PCCB: variants seen among roughly 807,000 people sequenced by gnomAD.
The protein encoded by PCCB is propionyl-CoA carboxylase beta chain, mitochondrial.
A neutral mutation model predicts 60.7 loss-of-function variants in PCCB; 43 were observed. The ratio of observed to expected loss-of-function variants is 0.71; its 90% CI spans 0.55 to 0.91. The LOEUF is 0.91. PCCB is among the 40% of genes least tolerant of loss of function. The pLI is 0.00. For synonymous variants in PCCB, 276 were observed against 255.9 expected (o/e 1.08, Z -0.75); for missense variants, 766 against 702.8 (o/e 1.09, Z -1.02).
intron 9 of PCCB, among the ~76,000 whole-genome samples, chr3:136,310,462 C>T (rs187364026): frequency 6.6e-6 from 1 of 152,238 alleles, no homozygotes; most frequent in Admixed American, 6.5e-5. Context: ...GTTGAGGGAG[C>T]AGTTAACCAT....
intron 14 of PCCB, 127 bp downstream of exon 14, chr3:136,328,984 G>A (rs1397798470): frequency 1.3e-6 from 1 of 769,232 alleles, no homozygotes; most frequent in African/African-American, 1.7e-5. Context: ...GTGAGGGTTG[G>A]GACTGTCCCT....
At chr3:136,268,105 T>C (rs867707137) in intron 5 of PCCB, among the ~76,000 whole-genome samples, 75 of 128,180 alleles carry the variant, frequency 5.9e-4, no homozygotes, top group South Asian at 5.1e-3. Flanking sequence ...TATATATATA[T>C]ATATATATAT....
chr3:136,285,441 C>G (rs1933356599), intron 6 of PCCB, among the ~76,000 whole-genome samples: 1 of 152,124 alleles, frequency 6.6e-6, no homozygotes, highest in African/African-American at 2.4e-5. Flanking sequence ...ATCATCAAAA[C>G]AAAAACTGTC....
At chr3:136,255,267 C>T (rs1000316849) in intron 1 of PCCB, 4 of 162,526 alleles carry the variant, frequency 2.5e-5, no homozygotes, top group African/African-American at 7.2e-5. Context: ...GTGGGGTCAT[C>T]TCTGTGTCAC....
chr3:136,289,709 G>A (rs962154446), intron 6 of PCCB, among the ~76,000 whole-genome samples: 1 of 147,618 alleles, frequency 6.8e-6, no homozygotes, highest in African/African-American at 2.5e-5. Context: ...TCTTATTTTT[G>A]TCTTCCACTT....
At chr3:136,267,053 C>G (rs945462666) in intron 5 of PCCB, among the ~76,000 whole-genome samples, 1 of 151,784 alleles carries the variant, frequency 6.6e-6, no homozygotes, top group Non-Finnish European at 1.5e-5. Context: ...CAGCTAATTT[C>G]TTTGTATTTT....
intron 10 of PCCB, among the ~76,000 whole-genome samples, chr3:136,325,904 C>A (rs1935289355): frequency 6.6e-6 from 1 of 152,050 alleles, no homozygotes; most frequent in Admixed American, 6.6e-5. Context: ...AGCTCCGCCT[C>A]CCGGGTTCAC....
chr3:136,302,095 C>G (rs774735911), intron 9 of PCCB, among the ~76,000 whole-genome samples: 15 of 152,196 alleles, frequency 9.9e-5, no homozygotes, highest in Non-Finnish European at 1.5e-4. Flanking sequence ...CTTTGCACCT[C>G]TGTGATCAGA....
At chr3:136,268,108 A>ATGTG (rs1560002540) in intron 5 of PCCB, among the ~76,000 whole-genome samples, 1 of 125,534 alleles carries the variant, frequency 8.0e-6, no homozygotes, top group Non-Finnish European at 1.7e-5. Context: ...ATATATATAT[A>ATGTG]TATATATATA....
At chr3:136,290,631 A>G (rs931117467) in intron 6 of PCCB, among the ~76,000 whole-genome samples, 1 of 137,138 alleles carries the variant, frequency 7.3e-6, no homozygotes, top group Non-Finnish European at 1.5e-5. Flanking sequence ...AGTGGCTGGG[A>G]CAACAGGTGT....
rs1560033777 is a variant in PCCB, at chr3:136,327,178, A to T, written c.1222A>T (p.Ile408Phe). 1.2e-6 allele frequency: 2 copies of T among 1,614,020 alleles called. No individual in the cohort carries two copies. The highest frequency in any genetic ancestry group is 1.7e-6 in the Non-Finnish European group (2 of 1,179,978). Reference protein sequence around the residue: ...LPGTAQEYGGIIRHGAKLLYA... With the variant: ...LPGTAQEYGGFIRHGAKLLYA... ...AGGCACAGCACAGGAATACGGGGGC[A>T]TCATCCGGCATGGTGCCAAGCTTCT... is the stretch of plus-strand genomic sequence containing the variant. The change falls in exon 12 of 15, where the codon ATC becomes TTC. Residue 408 changes from isoleucine to phenylalanine, a missense_variant. Transcript: ENST00000251654.
intron 5 of PCCB, among the ~76,000 whole-genome samples, chr3:136,266,651 A>G (rs1385375996): frequency 6.6e-6 from 1 of 152,176 alleles, no homozygotes; most frequent in East Asian, 1.9e-4. Flanking sequence ...TCTAGTTTGC[A>G]TTTCTCAGAT....
chr3:136,288,174 G>A (rs1933508835), intron 6 of PCCB, among the ~76,000 whole-genome samples: 1 of 152,152 alleles, frequency 6.6e-6, no homozygotes, highest in South Asian at 2.1e-4. Flanking sequence ...ATTAAGGTAT[G>A]TTTATGACTC....
At chr3:136,268,087 GATATATATATATATATA>G (rs1942066848) in intron 5 of PCCB, among the ~76,000 whole-genome samples, 4 of 93,800 alleles carry the variant, frequency 4.3e-5, no homozygotes, top group South Asian at 6.1e-4. Context: ...TGTGTGTGTA[GATATATATATATATATA>G]TATATATATA....
intron 6 of PCCB, among the ~76,000 whole-genome samples, chr3:136,284,211 A>G (rs1933245584): frequency 6.6e-6 from 1 of 152,208 alleles, no homozygotes; most frequent in Non-Finnish European, 1.5e-5. Context: ...TCAGGTAATC[A>G]AAGAATCCTG....
intron 10 of PCCB, among the ~76,000 whole-genome samples, 165 bp from the exon 11 acceptor site, chr3:136,326,638 C>T (rs983778114): frequency 6.6e-6 from 1 of 152,184 alleles, no homozygotes; most frequent in African/African-American, 2.4e-5. Context: ...TCTTCATCTT[C>T]CCTGTTTCCT....
intron 5 of PCCB, among the ~76,000 whole-genome samples, chr3:136,267,944 C>CTTTT (rs1190834904): frequency 3.9e-5 from 4 of 103,444 alleles, no homozygotes; most frequent in East Asian, 5.6e-4. Context: ...AGGTTTGGCT[C>CTTTT]TTTTTTTTTT....
Position 136,298,024 on chromosome 3 carries a change from C to G in PCCB, c.836C>G (p.Pro279Arg), listed in dbSNP as rs780837200. 1 of 1,614,126 alleles carries G rather than the reference C, an allele frequency of 6.2e-7. No homozygotes were observed. The highest frequency in any genetic ancestry group is 1.1e-5 in the South Asian group (1 of 91,090). The change falls in exon 8 of 15, where the codon CCC becomes CGC. Residue 279 changes from proline (P) to arginine (R), a missense_variant. Physicochemically the swap from Pro to Arg is moderately radical, Grantham distance 103. Coordinates refer to ENST00000251654, the MANE Select transcript of PCCB (RefSeq NM_000532.5). ...CNLRDFFNYL[P>R]LSSQDPAPVR... is the part of the protein sequence containing the mutation. ...CTCCGGGATTTCTTCAACTACCTGCCCCTGAGCAGTCAGGACCCGGCTCCC... is the reference window on the plus strand; with the variant it reads ...CTCCGGGATTTCTTCAACTACCTGCGCCTGAGCAGTCAGGACCCGGCTCCC...
intron 5 of PCCB, among the ~76,000 whole-genome samples, chr3:136,264,709 TAA>T (rs1038136338): frequency 6.9e-6 from 1 of 145,366 alleles, no homozygotes; most frequent in Non-Finnish European, 1.5e-5. Context: ...CCATCTCTAC[TAA>T]AAAAAAACAA....
Sources: allele counts gnomAD v4.1 joint callset (sites outside exome capture counted in the v4.1 genomes callset), GRCh38; gene constraint gnomAD v4.1.1; transcripts MANE v1.5; gene names NCBI Gene and HGNC (gene_info 2026-07-23, HGNC 2026-07-21).